NCAM2: variants seen among roughly 807,000 people sequenced by gnomAD.
The protein encoded by NCAM2 is neural cell adhesion molecule 2.
In NCAM2, 30 loss-of-function variants were observed where a neutral mutation model predicts 98.1. That is an observed-to-expected ratio of 0.31 (90% confidence interval 0.23 to 0.41). The LOEUF (loss-of-function observed/expected upper bound fraction) is 0.41. Ranked by LOEUF, NCAM2 falls within the 10% of genes least tolerant of loss-of-function variation. The probability of loss-of-function intolerance (pLI) is 1.00; values close to 1 mark genes in which losing one functional copy is unlikely to be tolerated. For synonymous variants in NCAM2, 368 were observed against 342.4 expected, an observed-to-expected ratio of 1.07 and a Z score of -0.83; for missense variants, 867 against 1,005.8, an observed-to-expected ratio of 0.86 and a Z score of 1.87.
rs1990200542 is a variant in NCAM2 at position 21,540,756 on chromosome 21, A to T, written c.*2799A>T. 6.6e-6 allele frequency: 1 copy of T among 152,038 alleles called. No individual in the cohort carries two copies. The allele number at this position is 152,038 out of a possible 1,614,324, so 9.4% of individuals were successfully genotyped here. A position where few individuals can be genotyped will look rare whatever the true frequency, so the allele number is the denominator to read the frequency against. On this transcript the variant is annotated 3_prime_UTR_variant, in exon 18 of 18. Transcript: ENST00000400546. ...TGATATTTTAAACCAAGAGGCAAAGATATCACCTAAAACTTGGTATTTCTT... is the reference window on the plus strand; with the variant it reads ...TGATATTTTAAACCAAGAGGCAAAGTTATCACCTAAAACTTGGTATTTCTT...
At chr21:21,499,565 ATGTT>A (rs1410391923) in intron 15 of NCAM2, among the ~76,000 whole-genome samples, 1 of 151,798 alleles carries the variant, frequency 6.6e-6, no homozygotes, top group East Asian at 1.9e-4. Flanking sequence ...TTAAAACAAA[ATGTT>A]TGTACTTGCT....
chr21:21,108,896 A>G (rs917105906), intron 1 of NCAM2, among the ~76,000 whole-genome samples: 3 of 152,084 alleles, frequency 2.0e-5, no homozygotes, highest in Non-Finnish European at 4.4e-5. Context: ...GGGTAAATCA[A>G]CCCCACTATT....
rs1052902580 is a variant in NCAM2, at chr21:21,530,265, T to A, written c.2283-4272T>A. Among the ~76,000 whole-genome samples the A allele has an allele frequency of 3.3e-4, 45 of 135,796 alleles. 2 individuals carry two copies. The highest frequency in any genetic ancestry group is 1.1e-3 in the African/African-American group (41 of 36,524). 89.1% of individuals were successfully genotyped at this position (135,796 alleles called of 152,430 possible). ...TAAATTAATTATATATAATTTAATT[T>A]AATTATATATAATTTAATTTAATTA... On this transcript the variant is annotated intron_variant, in intron 16 of 17. Transcript: ENST00000400546.
chr21:21,142,375 A>ATTTT (rs1330206964), intron 1 of NCAM2, among the ~76,000 whole-genome samples: 2 of 37,784 alleles, frequency 5.3e-5, no homozygotes, highest in Non-Finnish European at 1.1e-4. Context: ...GTTTTTTTTT[A>ATTTT]TGTTTTTTTT....
intron 16 of NCAM2, among the ~76,000 whole-genome samples, chr21:21,526,533 G>A (rs891962899): frequency 6.6e-6 from 1 of 152,044 alleles, no homozygotes; most frequent in Non-Finnish European, 1.5e-5. Context: ...GACTCAATAT[G>A]GACAAGACAT....
intron 6 of NCAM2, among the ~76,000 whole-genome samples, chr21:21,331,726 A>G (rs2074714441): frequency 7.1e-6 from 1 of 141,680 alleles, no homozygotes; most frequent in Non-Finnish European, 1.5e-5. Flanking sequence ...GTACCTGGGA[A>G]CACAGGCACG....
At chr21:21,395,153 G>A (rs530657480) in intron 9 of NCAM2, among the ~76,000 whole-genome samples, 83 of 152,128 alleles carry the variant, frequency 5.5e-4, no homozygotes, top group Admixed American at 5.9e-4. Context: ...GCAACATGGC[G>A]AAACCCCATC....
At chr21:21,471,480 G>GA (rs538159196) in intron 14 of NCAM2, among the ~76,000 whole-genome samples, 3 of 151,596 alleles carry the variant, frequency 2.0e-5, no homozygotes, top group Admixed American at 2.0e-4. Flanking sequence ...TGAATAACTT[G>GA]AAAAAATGGT....
chr21:21,395,886 C>A (rs1052077142), intron 9 of NCAM2, among the ~76,000 whole-genome samples: 1 of 152,140 alleles, frequency 6.6e-6, no homozygotes, highest in Admixed American at 6.5e-5. Context: ...AGACTTAAAT[C>A]TAAGTCCTGA....
At chr21:21,031,802 ACT>A (rs535024607) in intron 1 of NCAM2, among the ~76,000 whole-genome samples, 117 of 114,070 alleles carry the variant, frequency 1.0e-3, no homozygotes, top group African/African-American at 3.6e-3. Flanking sequence ...TCTCACTCAC[ACT>A]CTTATACACA....
At chr21:21,299,856 G>A (rs993206890) in intron 5 of NCAM2, among the ~76,000 whole-genome samples, 1 of 151,734 alleles carries the variant, frequency 6.6e-6, no homozygotes, top group Non-Finnish European at 1.5e-5. Context: ...AACATCCATG[G>A]GATACCAAAT....
At chr21:21,039,614 A>G (rs958698751) in intron 1 of NCAM2, among the ~76,000 whole-genome samples, 4 of 152,210 alleles carry the variant, frequency 2.6e-5, no homozygotes. Flanking sequence ...TCAGGGCAAA[A>G]GGACTATATT....
intron 1 of NCAM2, among the ~76,000 whole-genome samples, chr21:21,055,205 TA>T (rs2065187961): frequency 6.6e-6 from 1 of 151,914 alleles, no homozygotes; most frequent in Admixed American, 6.6e-5. Context: ...TAAAGTATAA[TA>T]ATAATAATAA....
chr21:21,068,326 G>C (rs1186639029), intron 1 of NCAM2, among the ~76,000 whole-genome samples: 1 of 151,472 alleles, frequency 6.6e-6, no homozygotes, highest in Non-Finnish European at 1.5e-5. Flanking sequence ...TACAGACTGG[G>C]CTTCACCATG....
At position 21,187,462 on chromosome 21, in the gene NCAM2, C is replaced by CA. The variant is rs201124792; in HGVS notation, c.56-93110dup. Among the ~76,000 whole-genome samples, 101 of 151,302 alleles carry CA rather than the reference C, an allele frequency of 6.7e-4. No homozygotes were observed. In the Middle Eastern group the frequency reaches 0.01, roughly 15 times the overall value. ...CCATCAACAACAACAACAACAACAACAAAAAAGGGAAATTCTATGTCATTC... is the reference window on the plus strand; with the variant it reads ...CCATCAACAACAACAACAACAACAACAAAAAAAGGGAAATTCTATGTCATTC... On this transcript the variant is annotated intron_variant, in intron 1 of 17. Coordinates refer to ENST00000400546, the MANE Select transcript of NCAM2 (RefSeq NM_004540.5).
intron 1 of NCAM2, among the ~76,000 whole-genome samples, chr21:21,164,235 T>C (rs2067880941): frequency 6.6e-6 from 1 of 152,212 alleles, no homozygotes; most frequent in East Asian, 1.9e-4. Context: ...TGTCTTGCTA[T>C]GATGGAATTT....
chr21:21,044,206 G>A (rs965137948), intron 1 of NCAM2, among the ~76,000 whole-genome samples: 2 of 152,180 alleles, frequency 1.3e-5, no homozygotes, highest in African/African-American at 4.8e-5. Context: ...TTGCAGGTTT[G>A]TGTTCAAAGG....
chr21:21,529,821 T>G (rs62216123), intron 16 of NCAM2, among the ~76,000 whole-genome samples: 20,822 of 151,380 alleles, frequency 0.14, 1,729 homozygotes, highest in Non-Finnish European at 0.19. Flanking sequence ...CTAAATATTT[T>G]AGTTACAAAA....
At chr21:21,054,064 C>T (rs1244153185) in intron 1 of NCAM2, among the ~76,000 whole-genome samples, 1 of 151,706 alleles carries the variant, frequency 6.6e-6, no homozygotes, top group Non-Finnish European at 1.5e-5. Flanking sequence ...TCCAAAAGAT[C>T]ACTTGACATT....
Sources: allele counts gnomAD v4.1 joint callset (sites outside exome capture counted in the v4.1 genomes callset), GRCh38; gene constraint gnomAD v4.1.1; transcripts MANE v1.5; gene names NCBI Gene and HGNC (gene_info 2026-07-23, HGNC 2026-07-21).